The following MSRA variants were observed in gnomAD, a reference collection of about 807,000 sequenced individuals.
MSRA encodes the protein mitochondrial peptide methionine sulfoxide reductase.
MSRA carries 54 observed loss-of-function variants against 31.3 expected under a neutral mutation model. The ratio of observed to expected loss-of-function variants is 1.73; its 90% CI spans 1.39 to 2.17. MSRA has a LOEUF of 2.17. Ranked by LOEUF, MSRA falls within the 30% of genes most tolerant of loss-of-function variation. MSRA has a pLI of 0.00. For synonymous variants in MSRA, 169 were observed against 116.5 expected (o/e 1.45, Z -2.90); for missense variants, 507 against 300.9 (o/e 1.69, Z -5.07).
chr8:10,344,655 G>A (rs1285709131), intron 5 of MSRA, among the ~76,000 whole-genome samples: 1 of 148,882 alleles, frequency 6.7e-6, no homozygotes, highest in Admixed American at 6.7e-5. Context: ...ATTAAGTAAG[G>A]ATCATTAAGG....
chr8:10,399,722 G>T (rs1807325512), intron 5 of MSRA, among the ~76,000 whole-genome samples: 1 of 152,172 alleles, frequency 6.6e-6, no homozygotes, highest in African/African-American at 2.4e-5. Flanking sequence ...CTATATAGGA[G>T]GGTGCAATGG....
chr8:10,425,647 C>T (rs1473191874), intron 5 of MSRA, among the ~76,000 whole-genome samples: 1 of 152,230 alleles, frequency 6.6e-6, no homozygotes, highest in African/African-American at 2.4e-5. Flanking sequence ...ATGGACGCCT[C>T]CAGTACGCAG....
In MSRA at chr8:10,339,612, G is replaced by C. The variant is rs1803289213; in HGVS notation, c.543+19623G>C. Among the ~76,000 whole-genome samples the C allele has an allele frequency of 2.9e-5, 4 of 138,802 alleles. No individual in the cohort carries two copies. In the Admixed American group the frequency reaches 3.2e-4, roughly 11 times the overall value. 91.1% of individuals were successfully genotyped at this position (138,802 alleles called of 152,430 possible). On this transcript the variant is annotated intron_variant, in intron 5 of 5. Coordinates refer to ENST00000317173, the MANE Select transcript of MSRA (RefSeq NM_012331.5). ...GCTGGAGTGCAGTGATGCGATCTTG[G>C]CTCACTGCAAGCTCCGCCTCCCAGG...
chr8:10,271,792 C>T (rs1239028883), intron 3 of MSRA, among the ~76,000 whole-genome samples: 1 of 150,600 alleles, frequency 6.6e-6, no homozygotes, highest in Non-Finnish European at 1.5e-5. Context: ...GATCTTGGCT[C>T]ACCGCAACCT....
intron 1 of MSRA, chr8:10,059,198 G>A (rs1212585606): frequency 2.0e-5 from 3 of 152,314 alleles, no homozygotes; most frequent in East Asian, 3.9e-4. Flanking sequence ...TCTCTACACC[G>A]TAAGCCAGGA....
intron 1 of MSRA, among the ~76,000 whole-genome samples, chr8:10,136,609 C>G (rs1306243188): frequency 6.6e-6 from 1 of 152,182 alleles, no homozygotes; most frequent in South Asian, 2.1e-4. Context: ...TAGCATATCT[C>G]TTTTGACACA....
intron 5 of MSRA, among the ~76,000 whole-genome samples, chr8:10,397,020 A>T (rs945070552): frequency 6.6e-6 from 1 of 152,150 alleles, no homozygotes; most frequent in African/African-American, 2.4e-5. Flanking sequence ...CTGGATAAGG[A>T]TTGTTCTCCA....
In MSRA at chr8:10,166,734, C is replaced by T. The variant is rs76234183; in HGVS notation, c.143-41099C>T. On this transcript the variant is annotated intron_variant, in intron 1 of 5. Coordinates refer to ENST00000317173, the MANE Select transcript of MSRA (RefSeq NM_012331.5). ...CTTTTACAACTCTGTGACATTTTTA[C>T]CATCTTAGCTGGGCCCTTGCTTGTT... is the stretch of plus-strand genomic sequence containing the variant. Among the ~76,000 whole-genome samples the T allele has an allele frequency of 5.2e-3, 787 of 152,270 alleles. 3 individuals carry two copies. The highest frequency in any genetic ancestry group is 0.017 in the African/African-American group (689 of 41,526).
intron 1 of MSRA, among the ~76,000 whole-genome samples, chr8:10,131,573 G>A (rs1801901438): frequency 6.6e-6 from 1 of 152,326 alleles, no homozygotes; most frequent in South Asian, 2.1e-4. Flanking sequence ...TTTACTGCTC[G>A]TTAATGAATG....
In MSRA at chr8:10,054,678, A is replaced by T; in HGVS notation, c.142+20A>T. ...TAGCGGGTAAGCACTGGCCACACGG[A>T]AGGCGCGGGCGGCGACGCTGCGCAT... is the stretch of plus-strand genomic sequence containing the variant. On this transcript the variant is annotated intron_variant, in intron 1 of 5. Transcript: ENST00000317173. 6.7e-7 allele frequency: 1 copy of T among 1,494,538 alleles called. No homozygotes were observed. The highest frequency in any genetic ancestry group is 1.3e-5 in the South Asian group (1 of 77,742). 92.6% of individuals were successfully genotyped at this position (1,494,538 alleles called of 1,614,324 possible).
chr8:10,063,083 G>A (rs756459340), intron 1 of MSRA, among the ~76,000 whole-genome samples: 4 of 152,072 alleles, frequency 2.6e-5, no homozygotes, highest in Non-Finnish European at 4.4e-5. Context: ...CCTGAACTCA[G>A]ATCTAAAACC....
chr8:10,145,002 G>T (rs188137373), intron 1 of MSRA, among the ~76,000 whole-genome samples: 5 of 150,570 alleles, frequency 3.3e-5, no homozygotes, highest in African/African-American at 7.3e-5. Flanking sequence ...CCCTCCCCCC[G>T]CCTCTCCCTG....
rs531146548 is a variant in MSRA at position 10,142,347 on chromosome 8, C to G, written c.143-65486C>G. On this transcript the variant is annotated intron_variant, in intron 1 of 5. Transcript: ENST00000317173. ...ATTCCCATTTTCCAGGAGAGGAAAC[C>G]AAGACCCAGAGGACTGTCTGGACTG... Among the ~76,000 whole-genome samples the G allele has an allele frequency of 5.3e-5, 8 of 152,310 alleles. No individual in the cohort carries two copies. The East Asian group carries it at 7.7e-4, about 15-fold the overall frequency.
intron 4 of MSRA, 42 bp from the exon 5 acceptor site, chr8:10,319,841 G>A (rs752367819): frequency 7.9e-6 from 10 of 1,273,574 alleles, no homozygotes; most frequent in African/African-American, 3.0e-5. Context: ...TGGCACTGTC[G>A]CCTAGTGACC....
chr8:10,165,989 A>G (rs1303634906), intron 1 of MSRA, among the ~76,000 whole-genome samples: 1 of 152,154 alleles, frequency 6.6e-6, no homozygotes, highest in Admixed American at 6.5e-5. Context: ...GTGATTCCAG[A>G]GTCTGGGCGT....
At chr8:10,166,550 T>C (rs754654406) in intron 1 of MSRA, among the ~76,000 whole-genome samples, 8 of 152,180 alleles carry the variant, frequency 5.3e-5, no homozygotes, top group Non-Finnish European at 1.0e-4. Context: ...TGTGCATTTG[T>C]ATGGGGTTGT....
At chr8:10,113,739 G>A (rs1482271852) in intron 1 of MSRA, among the ~76,000 whole-genome samples, 2 of 151,652 alleles carry the variant, frequency 1.3e-5, no homozygotes, top group Non-Finnish European at 2.9e-5. Context: ...GTGCATTGAA[G>A]CCTTAAGCAG....
intron 1 of MSRA, among the ~76,000 whole-genome samples, chr8:10,117,669 C>G (rs1186321341): frequency 6.6e-6 from 1 of 152,098 alleles, no homozygotes; most frequent in Non-Finnish European, 1.5e-5. Flanking sequence ...TGTGGACTTG[C>G]CCATTTACTG....
chr8:10,197,360 G>C (rs540163010), intron 1 of MSRA, among the ~76,000 whole-genome samples: 1 of 152,296 alleles, frequency 6.6e-6, no homozygotes, highest in South Asian at 2.1e-4. Context: ...AATGATGATG[G>C]AGTGCTTGTG....
Sources: allele counts gnomAD v4.1 joint callset (sites outside exome capture counted in the v4.1 genomes callset), GRCh38; gene constraint gnomAD v4.1.1; transcripts MANE v1.5; gene names NCBI Gene and HGNC (gene_info 2026-07-23, HGNC 2026-07-21).